KCNIP4: variants seen among roughly 807,000 people sequenced by gnomAD.
The protein encoded by KCNIP4 is Kv channel-interacting protein 4.
KCNIP4 carries 12 observed loss-of-function variants against 34.0 expected under a neutral mutation model. The observed-to-expected ratio is 0.35, with a 90% CI of 0.23 to 0.57. The LOEUF (loss-of-function observed/expected upper bound fraction) is 0.57. KCNIP4 is among the 20% of genes least tolerant of loss of function. The pLI is 0.83. For synonymous variants in KCNIP4, 124 were observed against 102.2 expected (o/e 1.21, Z -1.29); for missense variants, 238 against 311.7 (o/e 0.76, Z 1.78).
intron 1 of KCNIP4, among the ~76,000 whole-genome samples, chr4:21,938,610 C>G (rs1351790453): frequency 1.3e-5 from 2 of 152,122 alleles, no homozygotes; most frequent in African/African-American, 4.8e-5. Flanking sequence ...CACTCAATAA[C>G]AAACCATGTG....
chr4:21,310,624 TTTC>T (rs936659932), intron 1 of KCNIP4, among the ~76,000 whole-genome samples: 2 of 149,816 alleles, frequency 1.3e-5, no homozygotes, highest in East Asian at 3.9e-4. Context: ...AATGTATTTC[TTTC>T]TTCTTCTTTT....
intron 1 of KCNIP4, among the ~76,000 whole-genome samples, chr4:21,673,072 G>A (rs1368638345): frequency 6.6e-6 from 1 of 152,178 alleles, no homozygotes; most frequent in African/African-American, 2.4e-5. Context: ...CTTAGAAATG[G>A]CATAGCATCA....
chr4:21,692,237 C>A (rs1711740609), intron 1 of KCNIP4, among the ~76,000 whole-genome samples: 1 of 152,140 alleles, frequency 6.6e-6, no homozygotes, highest in African/African-American at 2.4e-5. Flanking sequence ...ACATAATTTG[C>A]AATGTAATAA....
intron 1 of KCNIP4, among the ~76,000 whole-genome samples, chr4:21,578,295 T>A (rs547583243): frequency 7.9e-6 from 1 of 126,474 alleles, no homozygotes; most frequent in Non-Finnish European, 1.6e-5. Flanking sequence ...ATTGCGCCAC[T>A]GCACTCCAAC....
intron 1 of KCNIP4, among the ~76,000 whole-genome samples, chr4:21,516,811 G>A (rs1330405080): frequency 6.6e-6 from 1 of 152,140 alleles, no homozygotes; most frequent in Non-Finnish European, 1.5e-5. Context: ...GGAATGTGAA[G>A]TTGTGCCTAG....
chr4:21,555,009 A>G (rs938506172), intron 1 of KCNIP4, among the ~76,000 whole-genome samples: 1 of 152,180 alleles, frequency 6.6e-6, no homozygotes, highest in Non-Finnish European at 1.5e-5. Flanking sequence ...TATTTAATGA[A>G]TAGCCTATAG....
At chr4:21,348,616 G>C (rs1717699301) in intron 1 of KCNIP4, among the ~76,000 whole-genome samples, 2 of 152,218 alleles carry the variant, frequency 1.3e-5, no homozygotes, top group Non-Finnish European at 2.9e-5. Flanking sequence ...ATATAGAACT[G>C]TTTAAATAGC....
At chr4:20,781,698 A>T (rs182707834) in intron 3 of KCNIP4, among the ~76,000 whole-genome samples, 135 of 152,268 alleles carry the variant, frequency 8.9e-4, no homozygotes, top group African/African-American at 3.2e-3. Context: ...CTCCTACAAC[A>T]TGTGCAAATT....
At chr4:21,896,368 A>G (rs1024378448) in intron 1 of KCNIP4, among the ~76,000 whole-genome samples, 6 of 152,192 alleles carry the variant, frequency 3.9e-5, no homozygotes, top group African/African-American at 1.2e-4. Flanking sequence ...AGAAGGACAA[A>G]GTATATGTAA....
chr4:20,906,697 A>G (rs1727805493), intron 1 of KCNIP4, among the ~76,000 whole-genome samples: 1 of 152,210 alleles, frequency 6.6e-6, no homozygotes, highest in African/African-American at 2.4e-5. Context: ...ATTAGAGCCA[A>G]TATACCCTTT....
chr4:21,462,159 G>A (rs771158213), intron 1 of KCNIP4, among the ~76,000 whole-genome samples: 1 of 151,872 alleles, frequency 6.6e-6, no homozygotes, highest in Non-Finnish European at 1.5e-5. Flanking sequence ...CTAAGTAACC[G>A]TAACTTTCTC....
At chr4:21,022,274 T>C (rs1179639343) in intron 1 of KCNIP4, among the ~76,000 whole-genome samples, 1 of 152,212 alleles carries the variant, frequency 6.6e-6, no homozygotes, top group Non-Finnish European at 1.5e-5. Flanking sequence ...CAGCAAAACC[T>C]CACAATTCAT....
intron 1 of KCNIP4, among the ~76,000 whole-genome samples, chr4:21,283,979 C>T (rs967543898): frequency 4.4e-4 from 67 of 152,026 alleles, no homozygotes; most frequent in African/African-American, 1.5e-3. Context: ...TTTGGGAGGC[C>T]GAGGTGGGCA....
chr4:21,831,817 A>G (rs541114218), intron 1 of KCNIP4, among the ~76,000 whole-genome samples: 1 of 152,218 alleles, frequency 6.6e-6, no homozygotes, highest in East Asian at 1.9e-4. Flanking sequence ...AGCAATCACT[A>G]CCCAGATATG....
At chr4:21,200,300 G>GTGTATA (rs1344570488) in intron 1 of KCNIP4, among the ~76,000 whole-genome samples, 2 of 136,338 alleles carry the variant, frequency 1.5e-5, no homozygotes, top group Non-Finnish European at 1.5e-5. Flanking sequence ...GTGTGTGTGT[G>GTGTATA]TATATATATA....
chr4:20,885,872 C>T (rs1725250263), intron 1 of KCNIP4, among the ~76,000 whole-genome samples: 1 of 152,150 alleles, frequency 6.6e-6, no homozygotes, highest in African/African-American at 2.4e-5. Flanking sequence ...TGAATCTAAA[C>T]TTCTGCTTTA....
chr4:21,308,224 T>C (rs1185448925), intron 1 of KCNIP4, among the ~76,000 whole-genome samples: 1 of 152,182 alleles, frequency 6.6e-6, no homozygotes. Context: ...CTCGTTTGGA[T>C]TACTTAAACT....
chr4:21,266,170 T>A (rs1761795879), intron 1 of KCNIP4, among the ~76,000 whole-genome samples: 1 of 152,198 alleles, frequency 6.6e-6, no homozygotes. Context: ...TGATAACATC[T>A]GTGGTATCAG....
chr4:21,670,688 C>T (rs1283757831), intron 1 of KCNIP4, among the ~76,000 whole-genome samples: 1 of 152,056 alleles, frequency 6.6e-6, no homozygotes, highest in Non-Finnish European at 1.5e-5. Flanking sequence ...TGGAGTCTTG[C>T]TCTGTCGCCC....
Sources: gnomAD v4.1 joint callset for allele counts (sites outside exome capture counted in the v4.1 genomes callset) on GRCh38, gnomAD v4.1.1 for gene constraint, MANE v1.5 for transcripts, NCBI Gene and HGNC (gene_info 2026-07-23, HGNC 2026-07-21) for gene names.